Variants in ANKRD36C observed in about 807,000 individuals in gnomAD.
The protein encoded by ANKRD36C is ankyrin repeat domain 36C.
Under a neutral mutation model 276.4 loss-of-function variants are expected in ANKRD36C, and 61 were observed. The observed-to-expected ratio is 0.22, with a 90% CI of 0.18 to 0.27. ANKRD36C has a LOEUF of 0.27. Ranked by LOEUF, ANKRD36C falls within the 10% of genes least tolerant of loss-of-function variation. The pLI, the probability that ANKRD36C is intolerant of heterozygous loss-of-function variation, is 1.00. For missense variants in ANKRD36C, 1,447 were observed against 2,032.3 expected, an observed-to-expected ratio of 0.71 and a Z score of 5.54; for synonymous variants, 483 against 680.1, an observed-to-expected ratio of 0.71 and a Z score of 4.51.
exon 60 of ANKRD36C, chr2:95,867,567 T>C: frequency 7.0e-7 from 1 of 1,425,330 alleles, no homozygotes; most frequent in Non-Finnish European, 9.4e-7. Context: ...CCCTAGAATG[T>C]ATTTGGTTTT....
intron 6 of ANKRD36C, among the ~76,000 whole-genome samples, chr2:95,976,231 G>A (rs1199438285): frequency 6.6e-6 from 1 of 152,192 alleles, no homozygotes; most frequent in Non-Finnish European, 1.5e-5. Context: ...CGATTCCTCA[G>A]GGATCTAGAA....
chr2:95,874,222 T>G (rs1467998180), intron 59 of ANKRD36C, among the ~76,000 whole-genome samples: 2 of 152,134 alleles, frequency 1.3e-5, no homozygotes, highest in Admixed American at 6.5e-5. Flanking sequence ...CATCACCAAG[T>G]CAATCCTTAG....
At chr2:95,888,430 G>A (rs1222096658) in intron 48 of ANKRD36C, among the ~76,000 whole-genome samples, 1 of 151,672 alleles carries the variant, frequency 6.6e-6, no homozygotes, top group African/African-American at 2.4e-5. Flanking sequence ...TAAAATCAGA[G>A]GAGCAACTCA....
intron 20 of ANKRD36C, among the ~76,000 whole-genome samples, chr2:95,939,585 G>T (rs1175073652): frequency 6.6e-6 from 1 of 152,190 alleles, no homozygotes; most frequent in African/African-American, 2.4e-5. Flanking sequence ...GGAGCCTGTA[G>T]TCCCAGCTAC....
At chr2:95,870,385 G>A (rs1462255921) in intron 59 of ANKRD36C, among the ~76,000 whole-genome samples, 2 of 152,210 alleles carry the variant, frequency 1.3e-5, no homozygotes, top group Non-Finnish European at 2.9e-5. Flanking sequence ...AGCCACCACT[G>A]CTGATACCCA....
intron 59 of ANKRD36C, among the ~76,000 whole-genome samples, chr2:95,868,404 C>A (rs950707134): frequency 1.3e-5 from 2 of 151,814 alleles, no homozygotes; most frequent in African/African-American, 4.8e-5. Flanking sequence ...TTCCAATTAG[C>A]GGTGTTTTGG....
intron 10 of ANKRD36C, among the ~76,000 whole-genome samples, chr2:95,959,592 C>T (rs576739505): frequency 6.6e-6 from 1 of 152,032 alleles, no homozygotes; most frequent in Non-Finnish European, 1.5e-5. Context: ...TTGAAAATAA[C>T]CACTTTAGGA....
At chr2:95,883,694 C>A (rs1676136719) in intron 54 of ANKRD36C, among the ~76,000 whole-genome samples, 1 of 151,990 alleles carries the variant, frequency 6.6e-6, no homozygotes, top group Admixed American at 6.6e-5. Context: ...CTTATTTTCC[C>A]TCCTTTCTGC....
chr2:95,921,527 C>T, intron 34 of ANKRD36C, 80 bp downstream of exon 34: 2 of 1,531,716 alleles, frequency 1.3e-6, no homozygotes, highest in South Asian at 1.2e-5. Flanking sequence ...CCCCACCTGC[C>T]CTCCACTGAT....
At chr2:95,977,261 T>C (rs1247926048) in intron 6 of ANKRD36C, among the ~76,000 whole-genome samples, 7 of 152,128 alleles carry the variant, frequency 4.6e-5, no homozygotes, top group Non-Finnish European at 7.4e-5. Context: ...TTACATTCAA[T>C]GTTCACTAAA....
At chr2:95,897,844 A>C (rs1239987804) in intron 44 of ANKRD36C, among the ~76,000 whole-genome samples, 2 of 136,540 alleles carry the variant, frequency 1.5e-5, no homozygotes, top group African/African-American at 5.4e-5. Context: ...CCTTTCATGC[A>C]ACAAATTAAA....
intron 1 of ANKRD36C, among the ~76,000 whole-genome samples, chr2:95,989,565 T>C: frequency 6.6e-6 from 1 of 151,988 alleles, no homozygotes; most frequent in Non-Finnish European, 1.5e-5. Flanking sequence ...ATAAAATTTA[T>C]AAAATCCATT....
chr2:95,966,711 G>A (rs371256008), intron 6 of ANKRD36C, among the ~76,000 whole-genome samples: 1 of 151,468 alleles, frequency 6.6e-6, no homozygotes, highest in Non-Finnish European at 1.5e-5. Flanking sequence ...AAAGTCAATG[G>A]TAGCTTGATG....
Position 95,943,450 on chromosome 2 carries a change from C to G in ANKRD36C, c.1491+1177G>C, listed in dbSNP as rs1333407669. 4.0e-5 allele frequency among the ~76,000 whole-genome samples: 6 copies of G among 150,602 alleles called. 1 individual carries two copies. Among genetic ancestry groups the G allele is most frequent in the Admixed American group, 6.6e-5 (1 of 15,136 alleles). ...CAGTGAGCCGAGATCGCCCACTGCC[C>G]TCCAGCCTGGGAGACAGAGCGAGAC... is the stretch of plus-strand genomic sequence containing the variant. On this transcript the variant is annotated intron_variant, in intron 19 of 66. Coordinates refer to ENST00000456556, the Ensembl canonical transcript of ANKRD36C.
chr2:95,960,242 A>G (rs185622960), intron 10 of ANKRD36C, among the ~76,000 whole-genome samples: 19 of 151,906 alleles, frequency 1.3e-4, no homozygotes, highest in Admixed American at 2.6e-4. Context: ...CTGCTCTCCA[A>G]TGGTTCTTCT....
intron 42 of ANKRD36C, among the ~76,000 whole-genome samples, chr2:95,901,826 C>T (rs1402017190): frequency 1.4e-4 from 19 of 135,198 alleles, no homozygotes; most frequent in South Asian, 4.8e-4. Context: ...TTCATGTATC[C>T]ACTAGTTTAG....
At chr2:95,977,939 A>C (rs1397596876) in intron 6 of ANKRD36C, among the ~76,000 whole-genome samples, 183 bp downstream of exon 6, 7 of 152,186 alleles carry the variant, frequency 4.6e-5, no homozygotes, top group Admixed American at 4.6e-4. Flanking sequence ...TACAATACTG[A>C]GATTATAAAT....
chr2:95,932,804 G>T (rs1225181634), intron 24 of ANKRD36C, among the ~76,000 whole-genome samples: 11 of 128,882 alleles, frequency 8.5e-5, no homozygotes, highest in East Asian at 6.9e-4. Flanking sequence ...GTCAATTTTG[G>T]CTTTTGTTGC....
At chr2:95,875,991 G>A (rs1340738797) in intron 59 of ANKRD36C, 13 of 442,010 alleles carry the variant, frequency 2.9e-5, no homozygotes, top group South Asian at 2.1e-4. Context: ...AGATCAAAAA[G>A]GAAAGTAAAT....
Sources: allele counts gnomAD v4.1 joint callset (sites outside exome capture counted in the v4.1 genomes callset), GRCh38; gene constraint gnomAD v4.1.1; transcripts MANE v1.5; gene names NCBI Gene and HGNC (gene_info 2026-07-23, HGNC 2026-07-21).